The following SGCD variants were observed in gnomAD, a reference collection of about 807,000 sequenced individuals.
SGCD encodes the protein sarcoglycan delta.
In SGCD, 18 loss-of-function variants were observed where a neutral mutation model predicts 36.6. The observed-to-expected ratio is 0.49, with a 90% CI of 0.34 to 0.73. The LOEUF is 0.73. Ranked by LOEUF, SGCD falls within the 30% of genes least tolerant of loss-of-function variation. The pLI, the probability that SGCD is intolerant of heterozygous loss-of-function variation, is 0.01. For missense variants in SGCD, 387 were observed against 346.7 expected (o/e 1.12, Z -0.92); for synonymous variants, 133 against 130.6 (o/e 1.02, Z -0.12).
At chr5:156,311,649 C>T (rs1012908184) in intron 3 of SGCD, among the ~76,000 whole-genome samples, 3 of 152,152 alleles carry the variant, frequency 2.0e-5, no homozygotes, top group Admixed American at 6.6e-5. Flanking sequence ...GGGCTCTGTG[C>T]TCCATTACCC....
At chr5:156,557,271 A>G (rs1039720611) in intron 4 of SGCD, among the ~76,000 whole-genome samples, 1 of 152,184 alleles carries the variant, frequency 6.6e-6, no homozygotes, top group Non-Finnish European at 1.5e-5. Context: ...CCTTCACAGA[A>G]TGTTTTCTTT....
At chr5:156,099,238 G>A (rs1203802943) in intron 1 of SGCD, among the ~76,000 whole-genome samples, 1 of 152,146 alleles carries the variant, frequency 6.6e-6, no homozygotes. Context: ...TGGAGTTAAT[G>A]GTTGTGCTTG....
chr5:156,069,640 G>GT (rs1175959848), intron 1 of SGCD, among the ~76,000 whole-genome samples: 2 of 151,914 alleles, frequency 1.3e-5, no homozygotes, highest in Non-Finnish European at 2.9e-5. Context: ...CTTTAAAGTA[G>GT]TTTTTTCCAG....
At chr5:156,330,036 A>AAG (rs1767992755) in intron 2 of SGCD, among the ~76,000 whole-genome samples, 1 of 151,586 alleles carries the variant, frequency 6.6e-6, no homozygotes, top group Non-Finnish European at 1.5e-5. Context: ...AAAAAAAAAA[A>AAG]AAAATCTCCA....
chr5:156,586,718 A>G (rs557338871), intron 4 of SGCD, among the ~76,000 whole-genome samples: 1 of 152,254 alleles, frequency 6.6e-6, no homozygotes, highest in South Asian at 2.1e-4. Context: ...CTTCTGTGTC[A>G]CTTTGACATA....
At chr5:156,481,186 T>C (rs763551798) in intron 3 of SGCD, among the ~76,000 whole-genome samples, 1 of 152,054 alleles carries the variant, frequency 6.6e-6, no homozygotes, top group African/African-American at 2.4e-5. Context: ...ACCTAGAATA[T>C]TGGTATGCAT....
the SGCD span, among the ~76,000 whole-genome samples, chr5:155,755,405 C>G: frequency 6.6e-6 from 1 of 152,192 alleles, no homozygotes; most frequent in East Asian, 1.9e-4. Context: ...ACTAATAGAA[C>G]TATCAGACCT....
At chr5:155,996,853 C>CTGGATGGA (rs201390010) in intron 1 of SGCD, among the ~76,000 whole-genome samples, 5 of 101,954 alleles carry the variant, frequency 4.9e-5, no homozygotes, top group African/African-American at 1.2e-4. Flanking sequence ...AATCTGATAT[C>CTGGATGGA]TGGATGGATG....
rs746479325 is a variant in SGCD, at chr5:156,434,720, G to T, written c.193-73881G>T. The stretch of plus-strand genomic sequence containing the variant: ...GTTTCCCTAATCATTAGGCGATTGA[G>T]TTGACAGTGATTGGTCACAAACATG... On this transcript the variant is annotated intron_variant, in intron 3 of 8. Transcript: ENST00000337851. 2.6e-5 allele frequency among the ~76,000 whole-genome samples: 4 copies of T among 152,190 alleles called. No individual in the cohort carries two copies. The East Asian group carries it at 7.7e-4, about 29-fold the overall frequency.
At chr5:156,587,737 G>T (rs1039424335) in intron 4 of SGCD, among the ~76,000 whole-genome samples, 5 of 151,932 alleles carry the variant, frequency 3.3e-5, no homozygotes, top group Admixed American at 3.3e-4. Context: ...TCTTTTCAAG[G>T]CTTAGCCCAA....
intron 6 of SGCD, among the ~76,000 whole-genome samples, chr5:156,611,637 C>T (rs1257137950): frequency 2.0e-5 from 3 of 152,088 alleles, no homozygotes; most frequent in Admixed American, 1.3e-4. Flanking sequence ...GTAGACGTGG[C>T]GAGTTTTCAG....
the SGCD span, among the ~76,000 whole-genome samples, chr5:155,845,782 C>T: frequency 2.0e-5 from 3 of 152,120 alleles, no homozygotes; most frequent in Non-Finnish European, 4.4e-5. Context: ...TCTGGCAAAA[C>T]TAATTCATTA....
At chr5:156,599,882 A>G (rs1338787433) in intron 6 of SGCD, among the ~76,000 whole-genome samples, 1 of 152,138 alleles carries the variant, frequency 6.6e-6, no homozygotes, top group Non-Finnish European at 1.5e-5. Context: ...CGTTCTAGGG[A>G]TCCTCTTATA....
chr5:155,763,262 C>T, the SGCD span, among the ~76,000 whole-genome samples: 2 of 152,058 alleles, frequency 1.3e-5, no homozygotes, highest in Non-Finnish European at 2.9e-5. Flanking sequence ...TGAATCTTAA[C>T]CAGAGAGGCT....
chr5:156,114,521 G>A lies in SGCD; in HGVS notation c.-281-3357G>A, dbSNP rs1761864426. ...ACATGATCATGAAAGATGAGAAATA[G>A]GTGTTGGAGGCCTGGGTTTTTGTCA... On this transcript the variant is annotated intron_variant, in intron 1 of 9. Transcript: ENST00000517913. Among the ~76,000 whole-genome samples, 3 of 151,998 alleles carry A rather than the reference G, an allele frequency of 2.0e-5. No homozygotes were observed. In the South Asian group the frequency reaches 6.2e-4, roughly 32 times the overall value.
chr5:156,449,868 A>G (rs950774601), intron 3 of SGCD, among the ~76,000 whole-genome samples: 5 of 151,446 alleles, frequency 3.3e-5, no homozygotes, highest in East Asian at 1.9e-4. Flanking sequence ...AAAAAAAAAA[A>G]AAAAGAAACT....
At chr5:155,773,409 G>C in the SGCD span, among the ~76,000 whole-genome samples, 1 of 152,036 alleles carries the variant, frequency 6.6e-6, no homozygotes, top group Non-Finnish European at 1.5e-5. Context: ...TGAACTTCTG[G>C]CCTCAACCAG....
intron 1 of SGCD, among the ~76,000 whole-genome samples, chr5:156,091,492 C>T (rs569202814): frequency 2.8e-4 from 42 of 152,266 alleles, no homozygotes; most frequent in Non-Finnish European, 4.4e-4. Context: ...CAGTAGTCAC[C>T]GCAGCATACC....
intron 3 of SGCD, among the ~76,000 whole-genome samples, chr5:156,437,393 C>T (rs1442235527): frequency 9.9e-5 from 15 of 152,088 alleles, no homozygotes. Context: ...ATCCTAGAGT[C>T]ATCTTAGTTC....
Sources: gnomAD v4.1 joint callset for allele counts (sites outside exome capture counted in the v4.1 genomes callset) on GRCh38, gnomAD v4.1.1 for gene constraint, MANE v1.5 for transcripts, NCBI Gene and HGNC (gene_info 2026-07-23, HGNC 2026-07-21) for gene names.